ABCD3: variants seen among roughly 807,000 people sequenced by gnomAD.
The protein encoded by ABCD3 is ATP-binding cassette sub-family D member 3.
ABCD3 carries 41 observed loss-of-function variants against 105.5 expected under a neutral mutation model. The observed-to-expected ratio is 0.39, with a 90% CI of 0.30 to 0.50. The LOEUF is 0.50. Ranked by LOEUF, ABCD3 falls within the 20% of genes least tolerant of loss-of-function variation. The pLI is 0.84. For missense variants in ABCD3, 622 were observed against 806.3 expected (o/e 0.77, Z 2.77); for synonymous variants, 258 against 269.0 (o/e 0.96, Z 0.40).
intron 5 of ABCD3, among the ~76,000 whole-genome samples, chr1:94,474,173 T>C (rs1045102023): frequency 4.0e-5 from 6 of 148,356 alleles, no homozygotes; most frequent in African/African-American, 1.5e-4. Context: ...AGCACCCTTC[T>C]CCTAGTTCTA....
At chr1:94,463,309 G>A (rs1356658935) in intron 2 of ABCD3, among the ~76,000 whole-genome samples, 1 of 151,848 alleles carries the variant, frequency 6.6e-6, no homozygotes, top group African/African-American at 2.4e-5. Context: ...TCCTTTTTTG[G>A]CCTACAGTTC....
chr1:94,510,624 T>G (rs904584490), intron 21 of ABCD3, among the ~76,000 whole-genome samples: 37 of 152,284 alleles, frequency 2.4e-4, no homozygotes, highest in African/African-American at 8.7e-4. Flanking sequence ...TGTGGGAGTC[T>G]AAGTCTCTTT....
At chr1:94,499,961 A>G (rs1650012240) in intron 20 of ABCD3, among the ~76,000 whole-genome samples, 1 of 152,144 alleles carries the variant, frequency 6.6e-6, no homozygotes, top group Admixed American at 6.6e-5. Flanking sequence ...TCTCTTCCCT[A>G]TAGACATCTC....
chr1:94,451,783 C>G (rs138980020), intron 1 of ABCD3, among the ~76,000 whole-genome samples: 2 of 152,282 alleles, frequency 1.3e-5, no homozygotes, highest in African/African-American at 4.8e-5. Flanking sequence ...TCACTGTCCT[C>G]CAGTCACCCA....
chr1:94,467,789 A>G (rs549203152), intron 3 of ABCD3, 130 bp from the exon 4 acceptor site: 1 of 667,008 alleles, frequency 1.5e-6, no homozygotes, highest in Admixed American at 2.5e-5. Flanking sequence ...TTATAGAAAA[A>G]ATGTCAGCCA....
At chr1:94,475,286 GTATT>G (rs1250816944) in intron 6 of ABCD3, 46 bp downstream of exon 6, 3 of 1,248,534 alleles carry the variant, frequency 2.4e-6, no homozygotes, top group African/African-American at 1.5e-5. Context: ...AAATAGAAGA[GTATT>G]TATGAAGCTG....
chr1:94,487,434 A>G, intron 10 of ABCD3, 108 bp from the exon 11 acceptor site: 1 of 959,762 alleles, frequency 1.0e-6, no homozygotes, highest in Non-Finnish European at 1.6e-6. Flanking sequence ...ACGGGCACTC[A>G]GTAAATATTT....
chr1:94,505,595 A>G (rs1488426835), intron 20 of ABCD3, among the ~76,000 whole-genome samples: 1 of 152,108 alleles, frequency 6.6e-6, no homozygotes, highest in Non-Finnish European at 1.5e-5. Flanking sequence ...ATAGTATTTG[A>G]AATCAGAAGA....
chr1:94,431,138 A>G (rs959342559), intron 1 of ABCD3, among the ~76,000 whole-genome samples: 2 of 152,246 alleles, frequency 1.3e-5, no homozygotes, highest in East Asian at 1.9e-4. Flanking sequence ...ATCAGCTTGC[A>G]TGAAAGTCAA....
chr1:94,418,450 CT>C lies in ABCD3; in HGVS notation c.-28del, dbSNP rs1659111271. 6 of 1,570,828 alleles carry C rather than the reference CT, an allele frequency of 3.8e-6. No individual in the cohort carries two copies. Among genetic ancestry groups the C allele is most frequent in the Non-Finnish European group, 4.3e-6 (5 of 1,162,108 alleles). On this transcript the variant is annotated 5_prime_UTR_variant, in exon 1 of 23. Coordinates refer to ENST00000370214, the MANE Select transcript of ABCD3 (RefSeq NM_002858.4). ...GCCGCCGCCGCCGCCGCCGCGTCCC[CT>C]CGCCGGCTCGCTGGTACCGGCAGTG...
chr1:94,432,196 T>C (rs1380892521), intron 1 of ABCD3, among the ~76,000 whole-genome samples: 1 of 152,228 alleles, frequency 6.6e-6, no homozygotes, highest in Non-Finnish European at 1.5e-5. Context: ...AAATAAACGT[T>C]ATTTTTAACT....
rs1458282300 is a variant in ABCD3, at chr1:94,453,387, C to T, written c.111-5220C>T. 3.3e-5 allele frequency among the ~76,000 whole-genome samples: 5 copies of T among 149,534 alleles called. No individual in the cohort carries two copies. The East Asian group carries it at 5.9e-4, about 18-fold the overall frequency. ...AGGTTGGAGTGCAGTGGCGCGATCT[C>T]GGCTCACTGCAGGCTCCGCCTCCCG... On this transcript the variant is annotated intron_variant, in intron 1 of 22. Transcript: ENST00000370214.
intron 21 of ABCD3, among the ~76,000 whole-genome samples, chr1:94,507,014 A>G (rs1262466193): frequency 6.6e-6 from 1 of 151,876 alleles, no homozygotes; most frequent in Non-Finnish European, 1.5e-5. Flanking sequence ...TTATACTTTA[A>G]GTTTTAGGGT....
intron 1 of ABCD3, among the ~76,000 whole-genome samples, chr1:94,457,333 C>T (rs954290285): frequency 2.6e-5 from 4 of 152,014 alleles, no homozygotes; most frequent in Non-Finnish European, 5.9e-5. Context: ...AATCTACGTG[C>T]TTTTTAAAAT....
At chr1:94,406,244 T>C in the ABCD3 span, among the ~76,000 whole-genome samples, 1 of 152,014 alleles carries the variant, frequency 6.6e-6, no homozygotes, top group Non-Finnish European at 1.5e-5. Context: ...TATATGCACT[T>C]GTCTCCATTT....
intron 1 of ABCD3, 119 bp downstream of exon 1, chr1:94,418,707 C>G: frequency 9.9e-7 from 1 of 1,012,022 alleles, no homozygotes; most frequent in Non-Finnish European, 1.5e-6. Flanking sequence ...GAGAGAGGGC[C>G]GACCGCGACT....
At chr1:94,423,949 G>A (rs1051991333) in intron 1 of ABCD3, among the ~76,000 whole-genome samples, 3 of 152,088 alleles carry the variant, frequency 2.0e-5, no homozygotes, top group Admixed American at 1.3e-4. Context: ...AGGCGCACTG[G>A]GTGTTTTGCA....
the ABCD3 span, among the ~76,000 whole-genome samples, chr1:94,386,247 C>A: frequency 1.3e-5 from 2 of 152,280 alleles, no homozygotes; most frequent in African/African-American, 4.8e-5. Context: ...TAAACAGTGG[C>A]CTTGAAGGCC....
rs1557662836 is a variant in ABCD3, at chr1:94,438,303, CACACACA to C, written c.110+19716_110+19722del. ...TCCATCACACACACACACACACATA[CACACACA>C]CACACACACACACACACACACACAC... On this transcript the variant is annotated intron_variant, in intron 1 of 22. Coordinates refer to ENST00000370214, the MANE Select transcript of ABCD3 (RefSeq NM_002858.4). Among the ~76,000 whole-genome samples, 289 of 45,192 alleles carry C rather than the reference CACACACA, an allele frequency of 6.4e-3. 4 individuals carry two copies. The highest frequency in any genetic ancestry group is 4.0e-3 in the Non-Finnish European group (96 of 24,108). 29.6% of individuals were successfully genotyped at this position (45,192 alleles called of 152,430 possible).
Sources: allele counts gnomAD v4.1 joint callset (sites outside exome capture counted in the v4.1 genomes callset), GRCh38; gene constraint gnomAD v4.1.1; transcripts MANE v1.5; gene names NCBI Gene and HGNC (gene_info 2026-07-23, HGNC 2026-07-21).